The following PRDM15 variants were observed in gnomAD, a reference collection of about 807,000 sequenced individuals.
The protein encoded by PRDM15 is PR domain zinc finger protein 15.
Under a neutral mutation model 128.6 loss-of-function variants are expected in PRDM15, and 64 were observed. The ratio of observed to expected loss-of-function variants is 0.50; its 90% CI spans 0.41 to 0.61. The LOEUF is 0.61. Ranked by LOEUF, PRDM15 falls within the 20% of genes least tolerant of loss-of-function variation. PRDM15 has a pLI of 0.00. For missense variants in PRDM15, 1,242 were observed against 1,569.1 expected (o/e 0.79, Z 3.52); for synonymous variants, 615 against 621.8 (o/e 0.99, Z 0.16).
chr21:41,834,697 G>T, intron 11 of PRDM15: 1 of 695,708 alleles, frequency 1.4e-6, no homozygotes, highest in Non-Finnish European at 2.5e-6. Context: ...CCCAGAGGGT[G>T]CACGTCATCA....
chr21:41,809,638 T>C (rs2146263558), intron 21 of PRDM15, among the ~76,000 whole-genome samples: 1 of 152,342 alleles, frequency 6.6e-6, no homozygotes, highest in East Asian at 1.9e-4. Context: ...GTCTACTCTT[T>C]TCTGTGACCT....
chr21:41,816,022 C>T (rs947274190), intron 18 of PRDM15, among the ~76,000 whole-genome samples, 186 bp from the exon 19 acceptor site: 1 of 152,224 alleles, frequency 6.6e-6, no homozygotes, highest in Non-Finnish European at 1.5e-5. Flanking sequence ...TGCCCAGAGG[C>T]CGGGAGGGAC....
Position 41,862,880 on chromosome 21 carries a change from C to G in PRDM15, c.-9-2508G>C, listed in dbSNP as rs1218154166. ...GGAGAGGAAAAAAGAACTAGAAGTT[C>G]GAGATCCTGGGCAGGCGTGTGGCTC... On this transcript the variant is annotated intron_variant, in intron 1 of 23. Coordinates refer to ENST00000398548, the MANE Select transcript of PRDM15 (RefSeq NM_001040424.3). The surrounding 1 kb of genome is among the most constrained non-coding windows in gnomAD (Gnocchi z 4.1). Among the ~76,000 whole-genome samples, 2 of 152,012 alleles carry G rather than the reference C, an allele frequency of 1.3e-5. No homozygotes were observed. The highest frequency in any genetic ancestry group is 2.4e-5 in the African/African-American group (1 of 41,392).
Position 41,859,819 on chromosome 21 carries a change from G to T in PRDM15, c.38-134C>A. ...GACACATGCATGCCGACACTGCAAA[G>T]ACAAGCAAGGGAGGGTGCATTGGAT... On this transcript the variant is annotated intron_variant, in intron 2 of 23. Coordinates refer to ENST00000398548, the MANE Select transcript of PRDM15 (RefSeq NM_001040424.3). This position sits in a 1 kb window ranked among gnomAD's most constrained non-coding sequence, Gnocchi z 5.3. 1 of 728,384 alleles carries T rather than the reference G, an allele frequency of 1.4e-6. No homozygotes were observed. Among genetic ancestry groups the T allele is most frequent in the Non-Finnish European group, 2.4e-6 (1 of 423,504 alleles). 45.1% of individuals were successfully genotyped at this position (728,384 alleles called of 1,614,324 possible). A position where few individuals can be genotyped will look rare whatever the true frequency, so the allele number is the denominator to read the frequency against.
chr21:41,807,014 C>T (rs948761584), intron 21 of PRDM15, among the ~76,000 whole-genome samples: 3 of 151,214 alleles, frequency 2.0e-5, no homozygotes, highest in African/African-American at 7.3e-5. Flanking sequence ...ACCACCATCA[C>T]CAACACCACC....
intron 10 of PRDM15, among the ~76,000 whole-genome samples, 159 bp downstream of exon 10, chr21:41,835,933 GGGTTTGGCCGCTCTCCTCCCT>G: frequency 1.3e-5 from 1 of 74,558 alleles, no homozygotes; most frequent in African/African-American, 5.9e-5. Flanking sequence ...CTCCCCCACA[GGGTTTGGCCGCTCTCCTCCCT>G]CCCCCACAGC....
At position 41,859,559 on chromosome 21, in the gene PRDM15, T is replaced by C. The variant is rs770261011; in HGVS notation, c.131+33A>G. 1 of 1,576,320 alleles carries C rather than the reference T, an allele frequency of 6.3e-7. No homozygotes were observed. The highest frequency in any genetic ancestry group is 8.7e-7 in the Non-Finnish European group (1 of 1,148,610). ...CTAGGCTCCTGCCGCAGCTGGCATA[T>C]GGAAGGCCCGGGAGCTCACGGCGGT... is the stretch of plus-strand genomic sequence containing the variant. On this transcript the variant is annotated intron_variant, in intron 3 of 23. Coordinates refer to ENST00000398548, the MANE Select transcript of PRDM15 (RefSeq NM_001040424.3). The surrounding 1 kb of genome is among the most constrained non-coding windows in gnomAD (Gnocchi z 5.3).
At chr21:41,836,399 G>T in intron 9 of PRDM15, 69 bp downstream of exon 9, 1 of 1,499,468 alleles carries the variant, frequency 6.7e-7, no homozygotes, top group Admixed American at 1.8e-5. Flanking sequence ...GAGACTCCGT[G>T]CTGTCCTCCC....
chr21:41,833,268 C>A (rs568170375), intron 11 of PRDM15, among the ~76,000 whole-genome samples: 17 of 152,112 alleles, frequency 1.1e-4, no homozygotes, highest in Non-Finnish European at 1.5e-4. Context: ...CACAACAGGT[C>A]CCATGGAGGG....
chr21:41,821,685 C>T lies in PRDM15; in HGVS notation c.1896+218G>A, dbSNP rs764952068. 6.6e-6 allele frequency among the ~76,000 whole-genome samples: 1 copy of T among 152,254 alleles called. No homozygotes were observed. Among genetic ancestry groups the T allele is most frequent in the African/African-American group, 2.4e-5 (1 of 41,474 alleles). On this transcript the variant is annotated intron_variant, in intron 15 of 23. Transcript: ENST00000398548. This position sits in a 1 kb window ranked among gnomAD's most constrained non-coding sequence, Gnocchi z 5.4. ...CTGGAGGGCGCCTGTGAGACCCACA[C>T]AGACCGTCCCTGAGCACCAAGGTGA...
In PRDM15 at chr21:41,879,272, G is replaced by C; in HGVS notation, c.-12C>G. 9.5e-7 allele frequency: 1 copy of C among 1,047,202 alleles called. No individual in the cohort carries two copies. Among genetic ancestry groups the C allele is most frequent in the Middle Eastern group, 4.1e-4 (1 of 2,450 alleles). 64.9% of individuals were successfully genotyped at this position (1,047,202 alleles called of 1,614,324 possible). A position where few individuals can be genotyped will look rare whatever the true frequency, so the allele number is the denominator to read the frequency against. ...GGGCGCAGGGCCCGGAGCTTTACCT[G>C]CCTTTGGAATGTGCAGAGCGGGATC... On this transcript the variant is annotated splice_region_variant and 5_prime_UTR_variant, in exon 1 of 24. Coordinates refer to ENST00000398548, the MANE Select transcript of PRDM15 (RefSeq NM_001040424.3). The surrounding 1 kb of genome is among the most constrained non-coding windows in gnomAD (Gnocchi z 5.1).
At chr21:41,847,471 C>G (rs1022324338) in intron 5 of PRDM15, among the ~76,000 whole-genome samples, 1 of 152,206 alleles carries the variant, frequency 6.6e-6, no homozygotes, top group African/African-American at 2.4e-5. Flanking sequence ...GAGAACTCCT[C>G]CAAGAAGCCA....
intron 1 of PRDM15, among the ~76,000 whole-genome samples, chr21:41,863,489 A>T (rs528852523): frequency 2.0e-5 from 3 of 152,138 alleles, no homozygotes; most frequent in Admixed American, 6.5e-5. Flanking sequence ...CTAACTAAAC[A>T]CACCTGCCAT....
In PRDM15 at chr21:41,828,048, A is replaced by G. The variant is rs62214689; in HGVS notation, c.1534+118T>C. On this transcript the variant is annotated intron_variant, in intron 12 of 23. Transcript: ENST00000398548. The surrounding 1 kb of genome is among the most constrained non-coding windows in gnomAD (Gnocchi z 5.7). Reference sequence around the variant, plus strand: ...ATCGGATGGCGGGCGTTTCCAGGCAAAGGAGCAGGCGGCACCGAACTGCTC... The same window carrying G: ...ATCGGATGGCGGGCGTTTCCAGGCAGAGGAGCAGGCGGCACCGAACTGCTC... 0.068 allele frequency: 69,278 copies of G among 1,019,240 alleles called. 2,751 individuals carry two copies. The highest frequency in any genetic ancestry group is 0.08 in the Non-Finnish European group (55,131 of 685,648). The allele number at this position is 1,019,240 out of a possible 1,614,324, so 63.1% of individuals were successfully genotyped here.
At chr21:41,843,966 A>G (rs538854396) in intron 6 of PRDM15, among the ~76,000 whole-genome samples, 4,777 of 151,680 alleles carry the variant, frequency 0.031, 244 homozygotes, top group African/African-American at 0.11. Context: ...AAAAAAAAAA[A>G]AAAAAGAAAG....
chr21:41,846,463 G>A (rs1289145882), intron 6 of PRDM15, among the ~76,000 whole-genome samples: 1 of 152,350 alleles, frequency 6.6e-6, no homozygotes, highest in East Asian at 1.9e-4. Context: ...CAGTACTTTG[G>A]GAGGCCGAGG....
intron 21 of PRDM15, among the ~76,000 whole-genome samples, chr21:41,807,103 A>G (rs1047815535): frequency 6.6e-6 from 1 of 152,292 alleles, no homozygotes; most frequent in African/African-American, 2.4e-5. Context: ...CATCACATCA[A>G]TATCATCAGT....
At chr21:41,849,500 G>T (rs371088807) in intron 5 of PRDM15, among the ~76,000 whole-genome samples, 19 of 152,098 alleles carry the variant, frequency 1.2e-4, no homozygotes, top group South Asian at 4.2e-4. Flanking sequence ...CTCGGGAGGT[G>T]GAGGTTGCAG....
intron 16 of PRDM15, 41 bp from the exon 17 acceptor site, chr21:41,820,215 G>C: frequency 6.5e-7 from 1 of 1,545,750 alleles, no homozygotes; most frequent in Non-Finnish European, 8.9e-7. Context: ...CACAGCCTCG[G>C]GGCTCCACGG....
Sources: allele counts gnomAD v4.1 joint callset (sites outside exome capture counted in the v4.1 genomes callset), GRCh38; gene constraint gnomAD v4.1.1; non-coding constraint Gnocchi (gnomAD v3.1); transcripts MANE v1.5; gene names NCBI Gene and HGNC (gene_info 2026-07-23, HGNC 2026-07-21).